SCHIP1: variants seen among roughly 807,000 people sequenced by gnomAD.
The protein encoded by SCHIP1 is schwannomin-interacting protein 1.
SCHIP1 carries 8 observed loss-of-function variants against 29.7 expected under a neutral mutation model. The observed-to-expected ratio is 0.27, with a 90% confidence interval of 0.16 to 0.49. The LOEUF (loss-of-function observed/expected upper bound fraction) is 0.49, where lower values mean the gene tolerates loss of function less well. Ranked by LOEUF, SCHIP1 falls within the 20% of genes least tolerant of loss-of-function variation. SCHIP1 has a pLI of 0.99. For missense variants in SCHIP1, 193 were observed against 294.6 expected, an observed-to-expected ratio of 0.66 and a Z score of 2.52; for synonymous variants, 76 against 94.9, an observed-to-expected ratio of 0.80 and a Z score of 1.16.
chr3:159,283,140 T>C, the SCHIP1 span, among the ~76,000 whole-genome samples: 1 of 152,054 alleles, frequency 6.6e-6, no homozygotes. Flanking sequence ...AGATTTGAAA[T>C]TTCATATGTT....
the SCHIP1 span, among the ~76,000 whole-genome samples, chr3:159,804,555 T>C: frequency 6.6e-6 from 1 of 152,234 alleles, no homozygotes; most frequent in Admixed American, 6.5e-5. Flanking sequence ...TATTTGCTGC[T>C]GTGATGTCTG....
the SCHIP1 span, among the ~76,000 whole-genome samples, chr3:159,275,564 A>G: frequency 6.6e-6 from 1 of 152,030 alleles, no homozygotes; most frequent in Admixed American, 6.6e-5. Context: ...TGATATTGTC[A>G]GAAGTGTAAC....
chr3:159,423,648 G>T, the SCHIP1 span, among the ~76,000 whole-genome samples: 2 of 134,910 alleles, frequency 1.5e-5, no homozygotes, highest in Non-Finnish European at 3.2e-5. Flanking sequence ...CAAACAAAAA[G>T]ACAGCAGTAA....
chr3:159,775,696 G>C, the SCHIP1 span, among the ~76,000 whole-genome samples: 203 of 152,354 alleles, frequency 1.3e-3, no homozygotes, highest in African/African-American at 4.8e-3. Flanking sequence ...AGCTGTGCCA[G>C]TGTTGGCCTG....
At chr3:159,343,516 T>G in the SCHIP1 span, among the ~76,000 whole-genome samples, 1 of 152,312 alleles carries the variant, frequency 6.6e-6, no homozygotes, top group East Asian at 1.9e-4. Flanking sequence ...CATGTTCTTC[T>G]TGGGCCAGCA....
At chr3:159,864,246 T>C (rs1046351662) in intron 1 of SCHIP1, among the ~76,000 whole-genome samples, 1 of 152,120 alleles carries the variant, frequency 6.6e-6, no homozygotes, top group Non-Finnish European at 1.5e-5. Flanking sequence ...GCCTTGCATA[T>C]TCGGAAAGGT....
At chr3:159,740,907 C>A in the SCHIP1 span, among the ~76,000 whole-genome samples, 106 of 152,052 alleles carry the variant, frequency 7.0e-4, no homozygotes, top group African/African-American at 2.5e-3. Context: ...TTTTTTCAGA[C>A]CCTGATGTGC....
the SCHIP1 span, among the ~76,000 whole-genome samples, chr3:159,794,571 C>G: frequency 3.3e-5 from 5 of 152,160 alleles, no homozygotes; most frequent in Non-Finnish European, 7.4e-5. Context: ...GACTAGATTC[C>G]GGACCTCAAG....
At chr3:159,475,067 C>T in the SCHIP1 span, among the ~76,000 whole-genome samples, 2 of 152,124 alleles carry the variant, frequency 1.3e-5, no homozygotes, top group African/African-American at 4.8e-5. Context: ...AGATTTATCA[C>T]ATCATCCAGC....
chr3:159,438,521 T>A, the SCHIP1 span, among the ~76,000 whole-genome samples: 1 of 152,154 alleles, frequency 6.6e-6, no homozygotes, highest in African/African-American at 2.4e-5. Context: ...ATGTGTAGGA[T>A]GTGCAGGTTT....
At chr3:159,665,982 A>G in the SCHIP1 span, among the ~76,000 whole-genome samples, 2 of 152,170 alleles carry the variant, frequency 1.3e-5, no homozygotes, top group Non-Finnish European at 2.9e-5. Flanking sequence ...CTGCAGAGGG[A>G]AAAGCTCTCG....
chr3:159,805,722 A>G, the SCHIP1 span, among the ~76,000 whole-genome samples: 51 of 151,690 alleles, frequency 3.4e-4, no homozygotes, highest in African/African-American at 9.7e-4. Context: ...GAAAGACCCA[A>G]CTGTTGTTCA....
chr3:159,275,539 G>A, the SCHIP1 span, among the ~76,000 whole-genome samples: 1 of 152,066 alleles, frequency 6.6e-6, no homozygotes, highest in African/African-American at 2.4e-5. Flanking sequence ...CTCTCTGAAG[G>A]ATGTGACTCA....
chr3:159,341,591 C>A, the SCHIP1 span, among the ~76,000 whole-genome samples: 2 of 152,150 alleles, frequency 1.3e-5, no homozygotes, highest in East Asian at 1.9e-4. Flanking sequence ...CTTCTTTCTA[C>A]CCCCATCTGT....
the SCHIP1 span, among the ~76,000 whole-genome samples, chr3:159,811,980 G>GTTTTTTTTTT: frequency 7.4e-6 from 1 of 134,756 alleles, no homozygotes; most frequent in Non-Finnish European, 1.6e-5. Flanking sequence ...TTTTGTTTTT[G>GTTTTTTTTTT]TTTTTTTTTT....
chr3:159,379,640 C>CTGCACACTGGG, the SCHIP1 span, among the ~76,000 whole-genome samples: 41,076 of 152,012 alleles, frequency 0.27, 5,900 homozygotes, highest in African/African-American at 0.37. Context: ...GCAACACCTA[C>CTGCACACTGGG]AAGTTCCATA....
At chr3:159,320,087 C>G in the SCHIP1 span, among the ~76,000 whole-genome samples, 1 of 152,216 alleles carries the variant, frequency 6.6e-6, no homozygotes, top group African/African-American at 2.4e-5. Context: ...TGTCTGGTTA[C>G]TCCAAGTGTT....
chr3:159,402,232 T>C, the SCHIP1 span, among the ~76,000 whole-genome samples: 3 of 152,168 alleles, frequency 2.0e-5, no homozygotes, highest in Non-Finnish European at 2.9e-5. Flanking sequence ...CACAATGAGA[T>C]ACCATCTCAC....
At chr3:159,304,777 G>A in the SCHIP1 span, among the ~76,000 whole-genome samples, 1 of 152,062 alleles carries the variant, frequency 6.6e-6, no homozygotes, top group Admixed American at 6.5e-5. Context: ...CCTGTGTCTT[G>A]TCTATATCCT....
Sources: gnomAD v4.1 joint callset for allele counts (sites outside exome capture counted in the v4.1 genomes callset) on GRCh38, gnomAD v4.1.1 for gene constraint, MANE v1.5 for transcripts, NCBI Gene and HGNC (gene_info 2026-07-23, HGNC 2026-07-21) for gene names.